Variants in PRKDC observed in about 807,000 individuals in gnomAD.
PRKDC encodes DNA-dependent protein kinase catalytic subunit.
A neutral mutation model predicts 486.9 loss-of-function variants in PRKDC; 82 were observed. The ratio of observed to expected loss-of-function variants is 0.17; its 90% confidence interval spans 0.14 to 0.20. The LOEUF is 0.20. Among genes scored for constraint, PRKDC ranks in the 10% least tolerant of loss-of-function variants. PRKDC has a pLI of 1.00. For missense variants in PRKDC, 4,504 were observed against 5,038.2 expected (o/e 0.89, Z 3.21); for synonymous variants, 1,895 against 1,837.0 (o/e 1.03, Z -0.81).
chr8:47,936,738 T>C (rs1340922547), intron 11 of PRKDC, among the ~76,000 whole-genome samples: 1 of 150,244 alleles, frequency 6.7e-6, no homozygotes, highest in Non-Finnish European at 1.5e-5. Flanking sequence ...CGCTTCAGCC[T>C]CCCGAGTAGC....
intron 36 of PRKDC, among the ~76,000 whole-genome samples, chr8:47,883,397 G>A (rs1259372041): frequency 6.6e-6 from 1 of 152,164 alleles, no homozygotes; most frequent in East Asian, 1.9e-4. Flanking sequence ...TGCTCCACGT[G>A]GAGCTGTTTC....
At chr8:47,798,532 A>C in intron 72 of PRKDC, 135 bp from the exon 73 acceptor site, 1 of 874,884 alleles carries the variant, frequency 1.1e-6, no homozygotes, top group Non-Finnish European at 1.6e-6. Flanking sequence ...CTACCACTTT[A>C]CACCAACAAA....
intron 19 of PRKDC, 112 bp from the exon 20 acceptor site, chr8:47,928,002 T>G (rs1473622682): frequency 1.0e-6 from 1 of 993,948 alleles, no homozygotes; most frequent in East Asian, 3.2e-5. Context: ...TAGCCTTTAT[T>G]GACATGACCA....
In PRKDC at chr8:47,882,051, C is replaced by T. The variant is rs753646051; in HGVS notation, c.4823G>A (p.Arg1608Gln). The change falls in exon 37 of 86, where the codon CGA (arginine) becomes CAA (glutamine). Residue 1608 changes from arginine to glutamine, a missense_variant. Arg to Gln is a conservative substitution (Grantham distance 43). This residue lies in a region of PRKDC where 1,969 missense variants were observed against 2,068.9 expected (regional missense o/e 0.95). Coordinates refer to ENST00000314191, the MANE Select transcript of PRKDC (RefSeq NM_006904.7). ...NGMLDQSFRE[R>Q]ANQKHQGLKL... The stretch of plus-strand genomic sequence containing the variant: ...CAGTCCTTGGTGTTTCTGGTTTGCT[C>T]GCTCCCTGAAGCTCTGGTCTAACAT... The T allele has an allele frequency of 3.7e-6, 6 of 1,613,856 alleles. No individual in the cohort carries two copies. Among genetic ancestry groups the T allele is most frequent in the Admixed American group, 3.3e-5 (2 of 59,992 alleles).
chr8:47,789,336 T>C (rs137958332), intron 74 of PRKDC, 98 bp from the exon 75 acceptor site: 1 of 346,766 alleles, frequency 2.9e-6, no homozygotes, highest in African/African-American at 2.2e-5. Flanking sequence ...ATATTATACA[T>C]ATATAAAATA....
chr8:47,846,817 C>T (rs896512764), intron 54 of PRKDC, among the ~76,000 whole-genome samples: 2 of 152,114 alleles, frequency 1.3e-5, no homozygotes, highest in Admixed American at 1.3e-4. Flanking sequence ...TTCTAGGATA[C>T]AAAATCAATG....
rs373826298 is a variant in PRKDC, at chr8:47,879,525, G to A, written c.5201C>T (p.Pro1734Leu). Residue 1734 changes from proline (P) to leucine (L), a missense_variant, in exon 39 of 86, where the codon CCG becomes CTG. Pro to Leu is a moderately conservative substitution (Grantham distance 98). Around this residue, in one of 6 missense-constraint regions of PRKDC, gnomAD observed 1,969 missense variants for 2,068.9 expected, o/e 0.95. Coordinates refer to ENST00000314191, the MANE Select transcript of PRKDC (RefSeq NM_006904.7). Reference protein sequence around the residue: ...MQSREFPPGTPRFNNYVDCMK... With the variant: ...MQSREFPPGTLRFNNYVDCMK... ...GCAGTCCACATAATTATTGAACCGC[G>A]GAGTTCCTGGAGGAAATTCCCTGGA... 8.8e-6 allele frequency: 14 copies of A among 1,597,000 alleles called. No individual in the cohort carries two copies. The highest frequency in any genetic ancestry group is 5.4e-5 in the African/African-American group (4 of 74,570).
At chr8:47,918,241 T>A in intron 22 of PRKDC, 36 bp downstream of exon 22, 1 of 1,354,558 alleles carries the variant, frequency 7.4e-7, no homozygotes, top group South Asian at 1.4e-5. Flanking sequence ...GATCTCTGCA[T>A]TATGTAAGGT....
chr8:47,926,632 C>T (rs547396778), intron 21 of PRKDC, among the ~76,000 whole-genome samples: 2 of 152,246 alleles, frequency 1.3e-5, no homozygotes, highest in Admixed American at 1.3e-4. Context: ...TGTGCCCCAC[C>T]CCAACTCTGA....
At chr8:47,877,636 C>T (rs961198515) in intron 40 of PRKDC, 88 bp downstream of exon 40, 1 of 1,302,548 alleles carries the variant, frequency 7.7e-7, no homozygotes, top group Non-Finnish European at 1.0e-6. Flanking sequence ...ATAATTGCCA[C>T]TCAGCTTTTT....
At chr8:47,917,489 A>G (rs527483889) in intron 22 of PRKDC, among the ~76,000 whole-genome samples, 1 of 152,204 alleles carries the variant, frequency 6.6e-6, no homozygotes, top group Non-Finnish European at 1.5e-5. Context: ...TTCTTACTTC[A>G]TTCCAAAAAT....
intron 7 of PRKDC, among the ~76,000 whole-genome samples, chr8:47,946,099 G>T (rs896779490): frequency 6.6e-6 from 1 of 152,044 alleles, no homozygotes; most frequent in Non-Finnish European, 1.5e-5. Context: ...GGAGGCCAAG[G>T]TGGGCAGATC....
At chr8:47,858,251 C>G (rs1034938045) in intron 48 of PRKDC, among the ~76,000 whole-genome samples, 4 of 149,638 alleles carry the variant, frequency 2.7e-5, no homozygotes, top group Admixed American at 1.3e-4. Flanking sequence ...AAAGCAGCTA[C>G]ATGTACTTTA....
intron 74 of PRKDC, among the ~76,000 whole-genome samples, chr8:47,791,897 T>C (rs1228541091): frequency 6.6e-6 from 1 of 152,182 alleles, no homozygotes; most frequent in East Asian, 1.9e-4. Context: ...TGCACTCCCA[T>C]GTTTATTGCA....
intron 35 of PRKDC, 26 bp from the exon 36 acceptor site, chr8:47,886,173 A>C (rs770609361): frequency 8.4e-6 from 13 of 1,544,752 alleles, no homozygotes; most frequent in Non-Finnish European, 8.7e-6. Flanking sequence ...GAGAAGTACC[A>C]TAACTGGGGC....
chr8:47,832,638 GA>G (rs1401345113), intron 59 of PRKDC, among the ~76,000 whole-genome samples: 5 of 152,092 alleles, frequency 3.3e-5, no homozygotes, highest in Admixed American at 2.0e-4. Context: ...AGAGGAAAAG[GA>G]AAAAATATGA....
chr8:47,835,207 C>G (rs970215209), intron 58 of PRKDC, among the ~76,000 whole-genome samples: 2 of 152,278 alleles, frequency 1.3e-5, no homozygotes, highest in African/African-American at 4.8e-5. Flanking sequence ...AACTATAAAT[C>G]TAGTAAATGA....
At chr8:47,806,111 CTCCCTG>C (rs2087211159) in intron 69 of PRKDC, among the ~76,000 whole-genome samples, 2 of 152,298 alleles carry the variant, frequency 1.3e-5, no homozygotes, top group African/African-American at 4.8e-5. Flanking sequence ...CCCCAGACAC[CTCCCTG>C]TCCAAGGCAG....
At chr8:47,795,894 ATT>A (rs563464158) in intron 73 of PRKDC, among the ~76,000 whole-genome samples, 12 of 139,750 alleles carry the variant, frequency 8.6e-5, no homozygotes, top group African/African-American at 1.8e-4. Context: ...TTGGTATGGA[ATT>A]TTTTTTTTTT....
Sources: allele counts gnomAD v4.1 joint callset (sites outside exome capture counted in the v4.1 genomes callset), GRCh38; gene constraint gnomAD v4.1.1; regional missense constraint gnomAD v4.1.1; transcripts MANE v1.5; gene names NCBI Gene and HGNC (gene_info 2026-07-23, HGNC 2026-07-21).